ZSCAN25: variants seen among roughly 807,000 people sequenced by gnomAD.
ZSCAN25 encodes zinc finger and SCAN domain-containing protein 25.
In ZSCAN25, 27 loss-of-function variants were observed where a neutral mutation model predicts 38.7. The observed-to-expected ratio is 0.70, with a 90% CI of 0.51 to 0.96. The LOEUF is 0.96. Among genes scored for constraint, ZSCAN25 ranks in the 40% least tolerant of loss-of-function variants. The pLI, the probability that ZSCAN25 is intolerant of heterozygous loss-of-function variation, is 0.00. For synonymous variants in ZSCAN25, 273 were observed against 277.7 expected (o/e 0.98, Z 0.17); for missense variants, 637 against 705.9 (o/e 0.90, Z 1.11).
At chr7:99,647,627 T>TA in the ZSCAN25 span, 1 of 985,420 alleles carries the variant, frequency 1.0e-6, no homozygotes, top group Non-Finnish European at 1.2e-6. Context: ...TTACAAAAAA[T>TA]ATGTTCTTCA....
At chr7:99,705,301 TCTC>T in the ZSCAN25 span, 1 of 578,316 alleles carries the variant, frequency 1.7e-6, no homozygotes, top group Non-Finnish European at 2.9e-6. Context: ...GATTTGGTCA[TCTC>T]CTCTATATTA....
chr7:99,721,742 C>T, the ZSCAN25 span, among the ~76,000 whole-genome samples: 6 of 151,266 alleles, frequency 4.0e-5, no homozygotes, highest in Non-Finnish European at 7.4e-5. Flanking sequence ...AATTATGACA[C>T]GTGTGTGTGT....
At chr7:99,716,001 A>G in the ZSCAN25 span, 1 of 1,608,144 alleles carries the variant, frequency 6.2e-7, no homozygotes, top group Non-Finnish European at 8.5e-7. Flanking sequence ...CAGTCAAGAC[A>G]GACAAACAGC....
the ZSCAN25 span, among the ~76,000 whole-genome samples, chr7:99,723,506 A>C: frequency 6.6e-6 from 1 of 152,146 alleles, no homozygotes; most frequent in Non-Finnish European, 1.5e-5. Flanking sequence ...GCCTGCACCC[A>C]GGTGATTAAA....
chr7:99,665,817 C>T, the ZSCAN25 span, among the ~76,000 whole-genome samples: 1 of 152,220 alleles, frequency 6.6e-6, no homozygotes, highest in East Asian at 1.9e-4. Flanking sequence ...ATTCTCTACA[C>T]TCCCTGCTAA....
At chr7:99,666,103 T>C in the ZSCAN25 span, among the ~76,000 whole-genome samples, 3 of 152,168 alleles carry the variant, frequency 2.0e-5, no homozygotes, top group African/African-American at 7.2e-5. Context: ...CTAGCACCCT[T>C]TCTTTTTTGA....
At chr7:99,710,726 A>G in the ZSCAN25 span, 5 of 1,613,540 alleles carry the variant, frequency 3.1e-6, no homozygotes, top group Non-Finnish European at 4.2e-6. Flanking sequence ...TGTACTGTCC[A>G]CTCACCTTAT....
At chr7:99,717,100 C>T in the ZSCAN25 span, 39 of 1,590,480 alleles carry the variant, frequency 2.5e-5, no homozygotes, top group East Asian at 4.0e-4. Flanking sequence ...AACCCAACAG[C>T]GGGAGTATCA....
At position 99,622,581 on chromosome 7, in the gene ZSCAN25, C is replaced by T. The variant is rs760605811; in HGVS notation, c.622C>T (p.Pro208Ser). ...TGTTCTGCAGGCGGGTCCTGGCCTC[C>T]CCGCAGTGAATCCCAGAGACCAAGA... ...LPVLQAGPGL[P>S]AVNPRDQEMA... Residue 208 changes from proline (P) to serine (S), a missense_variant, in exon 6 of 8, where the codon CCC (proline) becomes TCC (serine). Physicochemically the swap from Pro to Ser is moderately conservative, Grantham distance 74. Coordinates refer to ENST00000394152, the MANE Select transcript of ZSCAN25 (RefSeq NM_145115.3). The T allele has an allele frequency of 9.3e-6, 15 of 1,614,180 alleles. No individual in the cohort carries two copies. The highest frequency in any genetic ancestry group is 1.3e-5 in the Non-Finnish European group (15 of 1,180,024).
chr7:99,735,890 TG>T, the ZSCAN25 span, among the ~76,000 whole-genome samples: 1 of 152,194 alleles, frequency 6.6e-6, no homozygotes. Context: ...CTGAGATTGC[TG>T]GGCCCCTGTG....
At chr7:99,695,360 A>G in the ZSCAN25 span, among the ~76,000 whole-genome samples, 2 of 152,214 alleles carry the variant, frequency 1.3e-5, no homozygotes, top group African/African-American at 4.8e-5. Context: ...TTTGACTCTC[A>G]TGTACACAGA....
chr7:99,617,934 C>A (rs377174115), intron 1 of ZSCAN25, among the ~76,000 whole-genome samples: 1 of 152,188 alleles, frequency 6.6e-6, no homozygotes, highest in Non-Finnish European at 1.5e-5. Context: ...TGAACCAATG[C>A]AATAGCTAGA....
the ZSCAN25 span, chr7:99,684,971 C>T: frequency 3.7e-6 from 2 of 539,442 alleles, no homozygotes; most frequent in South Asian, 4.1e-5. Context: ...TAACACTCTA[C>T]ACAGACAGGG....
the ZSCAN25 span, chr7:99,685,077 G>A: frequency 8.4e-7 from 1 of 1,184,940 alleles, no homozygotes; most frequent in Non-Finnish European, 1.2e-6. Context: ...AAAGTAATTT[G>A]AGGTCTCTGG....
At chr7:99,685,219 C>T in the ZSCAN25 span, 43 of 1,613,430 alleles carry the variant, frequency 2.7e-5, no homozygotes, top group South Asian at 1.8e-4. Flanking sequence ...TCCTCCTAAG[C>T]GTAATTTCAG....
the ZSCAN25 span, among the ~76,000 whole-genome samples, chr7:99,725,387 G>T: frequency 6.6e-6 from 1 of 152,180 alleles, no homozygotes; most frequent in African/African-American, 2.4e-5. Flanking sequence ...TAATAGAGAA[G>T]AGGCGGCCAA....
the ZSCAN25 span, chr7:99,705,310 T>C: frequency 3.2e-6 from 2 of 626,686 alleles, no homozygotes; most frequent in Non-Finnish European, 5.3e-6. Flanking sequence ...ATCTCCTCTA[T>C]ATTACCAAGT....
At chr7:99,617,146 C>G (rs1038931784) in intron 1 of ZSCAN25, 130 bp downstream of exon 1, 1 of 152,184 alleles carries the variant, frequency 6.6e-6, no homozygotes, top group Non-Finnish European at 1.5e-5. Context: ...TCCGCTCAGC[C>G]CCGGCTGAGG....
the ZSCAN25 span, among the ~76,000 whole-genome samples, chr7:99,691,447 A>T: frequency 6.6e-6 from 1 of 151,628 alleles, no homozygotes; most frequent in Admixed American, 6.6e-5. Flanking sequence ...TAATAATAAA[A>T]TAAAATAAAC....
Sources: allele counts gnomAD v4.1 joint callset (sites outside exome capture counted in the v4.1 genomes callset), GRCh38; gene constraint gnomAD v4.1.1; transcripts MANE v1.5; gene names NCBI Gene and HGNC (gene_info 2026-07-23, HGNC 2026-07-21).